The following CLMP variants were observed in gnomAD, a reference collection of about 807,000 sequenced individuals.
The protein encoded by CLMP is CXADR like cell adhesion molecule, also known as CXADR-like membrane protein.
A neutral mutation model predicts 45.2 loss-of-function variants in CLMP; 27 were observed. That is an observed-to-expected ratio of 0.60 (90% CI 0.44 to 0.82). CLMP has a LOEUF of 0.82. Ranked by LOEUF, CLMP falls within the 40% of genes least tolerant of loss-of-function variation. CLMP has a pLI of 0.00. For missense variants in CLMP, 403 were observed against 448.4 expected (o/e 0.90, Z 0.91); for synonymous variants, 167 against 171.4 (o/e 0.97, Z 0.20).
At chr11:123,136,976 G>A (rs1488971803) in intron 1 of CLMP, among the ~76,000 whole-genome samples, 1 of 151,890 alleles carries the variant, frequency 6.6e-6, no homozygotes. Context: ...TGCCAACATA[G>A]GTAAACAAGG....
chr11:123,193,946 A>C (rs1455500287), intron 1 of CLMP, among the ~76,000 whole-genome samples: 1 of 151,992 alleles, frequency 6.6e-6, no homozygotes, highest in Non-Finnish European at 1.5e-5. Flanking sequence ...TGATTTTCTG[A>C]TCTCCAGCTA....
At position 123,132,603 on chromosome 11, in the gene CLMP, C is replaced by T. The variant is rs181439224; in HGVS notation, c.29-34651G>A. 3.5e-3 allele frequency among the ~76,000 whole-genome samples: 535 copies of T among 151,736 alleles called. 1 individual carries two copies. The highest frequency in any genetic ancestry group is 0.012 in the African/African-American group (502 of 41,352). On this transcript the variant is annotated intron_variant, in intron 1 of 6. Transcript: ENST00000448775. Reference sequence around the variant, plus strand: ...CCTTCTGAGTAGCTGGGATTACAGGCGCCTGCCACCACACCCAGCTAATTT... The same window carrying T: ...CCTTCTGAGTAGCTGGGATTACAGGTGCCTGCCACCACACCCAGCTAATTT...
At chr11:123,092,136 G>A (rs1305652892) in intron 2 of CLMP, among the ~76,000 whole-genome samples, 2 of 151,854 alleles carry the variant, frequency 1.3e-5, no homozygotes, top group Admixed American at 6.6e-5. Flanking sequence ...AGCCTTTCTC[G>A]ACTCCCCAGT....
At chr11:123,074,916 A>G in intron 5 of CLMP, 73 bp from the exon 6 acceptor site, 1 of 1,526,396 alleles carries the variant, frequency 6.6e-7, no homozygotes, top group Middle Eastern at 1.7e-4. Flanking sequence ...CTCAAAAAAC[A>G]TAAGCTCTGG....
intron 1 of CLMP, among the ~76,000 whole-genome samples, chr11:123,140,089 C>T (rs1861133117): frequency 6.6e-6 from 1 of 152,146 alleles, no homozygotes. Context: ...ATGGAGAATA[C>T]AAGGGCCAGT....
rs566431389 is a variant in CLMP, at chr11:123,099,552, C to G, written c.29-1600G>C. Among the ~76,000 whole-genome samples, 21 of 151,972 alleles carry G rather than the reference C, an allele frequency of 1.4e-4. No homozygotes were observed. The South Asian group carries it at 4.4e-3, about 32-fold the overall frequency. ...GCACTGAGTGGCTCTGAATAAAAGG[C>G]AATTTATTTTATTATGGAGAAGGTG... On this transcript the variant is annotated intron_variant, in intron 1 of 6. Coordinates refer to ENST00000448775, the MANE Select transcript of CLMP (RefSeq NM_024769.5).
intron 5 of CLMP, among the ~76,000 whole-genome samples, chr11:123,080,158 AAG>A (rs939796422): frequency 1.3e-5 from 2 of 152,154 alleles, no homozygotes; most frequent in East Asian, 1.9e-4. Context: ...TGAGTGATCT[AAG>A]AGAGAGAGGA....
At position 123,133,047 on chromosome 11, in the gene CLMP, G is replaced by T. The variant is rs181347590; in HGVS notation, c.29-35095C>A. On this transcript the variant is annotated intron_variant, in intron 1 of 6. Coordinates refer to ENST00000448775, the MANE Select transcript of CLMP (RefSeq NM_024769.5). ...GCCTCCCAAAGGCTGGGGTTATAGG[G>T]GTGTGTCACTATGCCTGGCCTCTGA... 2.0e-4 allele frequency among the ~76,000 whole-genome samples: 30 copies of T among 152,132 alleles called. No individual in the cohort carries two copies. In the East Asian group the frequency reaches 3.7e-3, roughly 19 times the overall value.
chr11:123,081,193 A>T (rs1865800463), intron 5 of CLMP, among the ~76,000 whole-genome samples: 1 of 152,098 alleles, frequency 6.6e-6, no homozygotes, highest in Non-Finnish European at 1.5e-5. Context: ...ACAAAAAAAA[A>T]CAGGGTGGGG....
intron 1 of CLMP, among the ~76,000 whole-genome samples, chr11:123,099,493 A>C (rs2135481697): frequency 6.6e-6 from 1 of 152,348 alleles, no homozygotes; most frequent in South Asian, 2.1e-4. Context: ...AAATATTAGA[A>C]ACAGAGTATG....
At chr11:123,187,815 A>C (rs1274257874) in intron 1 of CLMP, among the ~76,000 whole-genome samples, 1 of 152,204 alleles carries the variant, frequency 6.6e-6, no homozygotes, top group Non-Finnish European at 1.5e-5. Flanking sequence ...CTCTCCAGGA[A>C]GCTCCTGGCT....
intron 1 of CLMP, among the ~76,000 whole-genome samples, chr11:123,158,907 TAGAGAG>T (rs1021742194): frequency 2.0e-5 from 3 of 152,226 alleles, no homozygotes. Context: ...ATGTGTGGCA[TAGAGAG>T]AATGTTCAGT....
chr11:123,101,118 T>C (rs1866053520), intron 1 of CLMP, among the ~76,000 whole-genome samples: 1 of 152,192 alleles, frequency 6.6e-6, no homozygotes, highest in African/African-American at 2.4e-5. Flanking sequence ...AGCCTTTTTC[T>C]TTTCTTTTGA....
intron 1 of CLMP, 74 bp downstream of exon 1, chr11:123,194,839 C>T (rs1239214284): frequency 1.9e-6 from 3 of 1,581,584 alleles, no homozygotes; most frequent in Non-Finnish European, 2.6e-6. Flanking sequence ...CCGGTCAGAA[C>T]CGGCGTCTTT....
At chr11:123,156,046 T>C (rs1861409768) in intron 1 of CLMP, among the ~76,000 whole-genome samples, 1 of 152,178 alleles carries the variant, frequency 6.6e-6, no homozygotes, top group South Asian at 2.1e-4. Flanking sequence ...AATGTGGCTA[T>C]ATTTGGAGAT....
In CLMP at chr11:123,167,521, G is replaced by A. The variant is rs565781443; in HGVS notation, c.28+27392C>T. Among the ~76,000 whole-genome samples, 66 of 150,106 alleles carry A rather than the reference G, an allele frequency of 4.4e-4. No individual in the cohort carries two copies. The South Asian group carries it at 0.011, about 26-fold the overall frequency. On this transcript the variant is annotated intron_variant, in intron 1 of 6. Transcript: ENST00000448775. ...AGGATGGTCTCGATCTCCTGACCTC[G>A]TGATCCGCCTGCCTTGGCCTCCCAA...
chr11:123,141,278 A>G (rs12807598), intron 1 of CLMP, among the ~76,000 whole-genome samples: 61,757 of 141,498 alleles, frequency 0.44, 13,900 homozygotes, highest in African/African-American at 0.61. Flanking sequence ...TCCGCCTCCC[A>G]GGTTCACACC....
intron 1 of CLMP, among the ~76,000 whole-genome samples, chr11:123,099,796 T>C (rs1866034113): frequency 1.3e-5 from 2 of 152,112 alleles, no homozygotes; most frequent in Non-Finnish European, 1.5e-5. Flanking sequence ...AAGCAGTTGA[T>C]GGGATAAAAG....
At chr11:123,078,369 GT>G (rs1355722665) in intron 5 of CLMP, among the ~76,000 whole-genome samples, 4 of 152,196 alleles carry the variant, frequency 2.6e-5, no homozygotes, top group African/African-American at 9.6e-5. Context: ...GAATGATTCT[GT>G]TTATTTAAAG....
Sources: allele counts gnomAD v4.1 joint callset (sites outside exome capture counted in the v4.1 genomes callset), GRCh38; gene constraint gnomAD v4.1.1; transcripts MANE v1.5; gene names NCBI Gene and HGNC (gene_info 2026-07-23, HGNC 2026-07-21).